Variants in MYOF observed in about 807,000 individuals in gnomAD.
The protein encoded by MYOF is myoferlin.
A neutral mutation model predicts 284.2 loss-of-function variants in MYOF; 244 were observed. That is an observed-to-expected ratio of 0.86 (90% CI 0.77 to 0.95). MYOF has a LOEUF of 0.95. Ranked by LOEUF, MYOF falls within the 40% of genes least tolerant of loss-of-function variation. The probability of loss-of-function intolerance (pLI) is 0.00; values close to 1 mark genes in which losing one functional copy is unlikely to be tolerated. For missense variants in MYOF, 2,496 were observed against 2,560.6 expected (o/e 0.97, Z 0.54); for synonymous variants, 904 against 919.7 (o/e 0.98, Z 0.31).
chr10:93,339,860 A>G (rs1167168622), intron 39 of MYOF, among the ~76,000 whole-genome samples: 1 of 151,906 alleles, frequency 6.6e-6, no homozygotes, highest in African/African-American at 2.4e-5. Flanking sequence ...CGGGTGGATC[A>G]CGAGGTCAGG....
chr10:93,458,419 C>T (rs888607002), intron 1 of MYOF, among the ~76,000 whole-genome samples: 1 of 152,066 alleles, frequency 6.6e-6, no homozygotes, highest in African/African-American at 2.4e-5. Context: ...GCTAAGGAAA[C>T]TGAGAAGCTG....
Position 93,316,741 on chromosome 10 carries a change from C to T in MYOF, c.5671G>A (p.Asp1891Asn), listed in dbSNP as rs767494101. The T allele has an allele frequency of 1.2e-6, 2 of 1,613,908 alleles. No individual in the cohort carries two copies. The part of the protein sequence containing the change: ...PRLIIQIWDN[D>N]KFSLDDYLGF... ...AAGTAGTCATCCAGAGAAAACTTGT[C>T]ATTGTCCCATATCTGAATGATCAGC... Residue 1891 changes from aspartate (D) to asparagine (N), a missense_variant, in exon 50 of 54, where the codon GAC (aspartate) becomes AAC (asparagine). Asp to Asn is a conservative substitution (Grantham distance 23). Coordinates refer to ENST00000359263, the MANE Select transcript of MYOF (RefSeq NM_013451.4).
intron 53 of MYOF, among the ~76,000 whole-genome samples, chr10:93,307,969 G>A (rs933391062): frequency 6.6e-6 from 1 of 150,638 alleles, no homozygotes; most frequent in South Asian, 2.1e-4. Context: ...TAGACCGGGT[G>A]CAGTGGCTCA....
rs112618460 is a variant in MYOF at position 93,390,262 on chromosome 10, G to C, written c.1457-1108C>G. Among the ~76,000 whole-genome samples the C allele has an allele frequency of 2.6e-4, 39 of 152,248 alleles. 2 individuals carry two copies. Among genetic ancestry groups the C allele is most frequent in the African/African-American group, 8.4e-4 (35 of 41,538 alleles). ...TATACTGCACAGTCATTTTCATTAC[G>C]TGAAGCTCTCTGCATGTTTAAATGG... On this transcript the variant is annotated intron_variant, in intron 17 of 53. Coordinates refer to ENST00000359263, the MANE Select transcript of MYOF (RefSeq NM_013451.4).
chr10:93,478,825 CAAA>C (rs796689657), intron 1 of MYOF, among the ~76,000 whole-genome samples: 10 of 103,598 alleles, frequency 9.7e-5, no homozygotes, highest in Non-Finnish European at 1.7e-4. Context: ...GAAACAGTCT[CAAA>C]AAAAAAAAAA....
chr10:93,380,007 G>A lies in MYOF; in HGVS notation c.1877-20C>T, dbSNP rs376781601. On this transcript the variant is annotated intron_variant, in intron 20 of 53. Transcript: ENST00000359263. Reference sequence around the variant, plus strand: ...AGTTGCCTGGTATAAAACATTGGGGGTCAATGAACACTGAACACTTAAAAT... The same window carrying A: ...AGTTGCCTGGTATAAAACATTGGGGATCAATGAACACTGAACACTTAAAAT... 8 of 1,609,266 alleles carry A rather than the reference G, an allele frequency of 5.0e-6. No homozygotes were observed. The highest frequency in any genetic ancestry group is 6.8e-6 in the Non-Finnish European group (8 of 1,176,242).
chr10:93,377,450 G>C, intron 21 of MYOF, 21 bp from the exon 22 acceptor site: 1 of 1,513,482 alleles, frequency 6.6e-7, no homozygotes, highest in Non-Finnish European at 9.2e-7. Flanking sequence ...TGAAAAGAGA[G>C]GAAATAATTG....
intron 3 of MYOF, among the ~76,000 whole-genome samples, chr10:93,431,838 C>A (rs1848889388): frequency 6.6e-6 from 1 of 151,400 alleles, no homozygotes; most frequent in Non-Finnish European, 1.5e-5. Flanking sequence ...CTCCACCTCC[C>A]AGGTACAAGT....
intron 36 of MYOF, among the ~76,000 whole-genome samples, 199 bp from the exon 37 acceptor site, chr10:93,347,981 T>C (rs1158319501): frequency 6.6e-6 from 1 of 152,238 alleles, no homozygotes; most frequent in Non-Finnish European, 1.5e-5. Context: ...GGTCAAATCC[T>C]GGCACTGCCA....
intron 13 of MYOF, among the ~76,000 whole-genome samples, chr10:93,398,743 G>A (rs1368729708): frequency 2.0e-5 from 3 of 152,184 alleles, no homozygotes; most frequent in African/African-American, 7.2e-5. Flanking sequence ...GCCGAATCTT[G>A]CTTTCATAAT....
intron 5 of MYOF, among the ~76,000 whole-genome samples, chr10:93,410,760 T>G (rs945278592): frequency 1.3e-5 from 2 of 152,220 alleles, no homozygotes; most frequent in East Asian, 3.8e-4. Context: ...TCTAGAACCC[T>G]GCTTTTGGAT....
intron 5 of MYOF, among the ~76,000 whole-genome samples, chr10:93,419,978 A>T (rs1848288762): frequency 6.6e-6 from 1 of 152,136 alleles, no homozygotes; most frequent in Admixed American, 6.5e-5. Context: ...CTAAAAATTT[A>T]AAAAATTAGC....
At chr10:93,391,082 T>C (rs75605505) in intron 17 of MYOF, among the ~76,000 whole-genome samples, 27 of 152,354 alleles carry the variant, frequency 1.8e-4, no homozygotes, top group Non-Finnish European at 3.7e-4. Context: ...GACTGTGCTG[T>C]CATGTGTATT....
At chr10:93,439,605 G>A (rs1016870052) in intron 3 of MYOF, among the ~76,000 whole-genome samples, 3 of 152,222 alleles carry the variant, frequency 2.0e-5, no homozygotes, top group Non-Finnish European at 2.9e-5. Context: ...CTCAGGCTGC[G>A]TACAGGTTAA....
At chr10:93,325,553 G>A (rs963688387) in intron 46 of MYOF, among the ~76,000 whole-genome samples, 30 of 152,156 alleles carry the variant, frequency 2.0e-4, no homozygotes, top group African/African-American at 7.2e-4. Context: ...CAGCAAGAGG[G>A]CAGATGAAAT....
intron 51 of MYOF, among the ~76,000 whole-genome samples, chr10:93,311,167 C>T (rs1842369455): frequency 6.6e-6 from 1 of 152,166 alleles, no homozygotes; most frequent in South Asian, 2.1e-4. Flanking sequence ...TCTCCCTGCT[C>T]ACGGGTTCCT....
intron 28 of MYOF, 110 bp from the exon 29 acceptor site, chr10:93,360,088 T>G: frequency 7.7e-7 from 1 of 1,305,612 alleles, no homozygotes; most frequent in Non-Finnish European, 1.1e-6. Context: ...TGTTCTGTAC[T>G]ATCATGACCG....
In MYOF at chr10:93,333,214, A is replaced by G. The variant is rs373630294; in HGVS notation, c.4811+7T>C. 180 of 1,610,854 alleles carry G rather than the reference A, an allele frequency of 1.1e-4. 1 individual carries two copies. The highest frequency in any genetic ancestry group is 6.9e-4 in the African/African-American group (52 of 75,002). On this transcript the variant is annotated splice_region_variant and intron_variant, in intron 43 of 53. Coordinates refer to ENST00000359263, the MANE Select transcript of MYOF (RefSeq NM_013451.4). The stretch of plus-strand genomic sequence containing the variant: ...AGGCCAGAAAAACATTTAAGAATGT[A>G]TATTACCTGCCAAAGACTGGGTTGA...
chr10:93,394,316 G>C (rs938685778), intron 16 of MYOF, among the ~76,000 whole-genome samples: 17 of 151,912 alleles, frequency 1.1e-4, no homozygotes, highest in Admixed American at 9.8e-4. Context: ...TGGCCAGCCT[G>C]GTCTCAAACT....
Sources: gnomAD v4.1 joint callset for allele counts (sites outside exome capture counted in the v4.1 genomes callset) on GRCh38, gnomAD v4.1.1 for gene constraint, MANE v1.5 for transcripts, NCBI Gene and HGNC (gene_info 2026-07-23, HGNC 2026-07-21) for gene names.